The following CCDC178 variants were observed in gnomAD, a reference collection of about 807,000 sequenced individuals.
The protein encoded by CCDC178 is coiled-coil domain-containing protein 178.
In CCDC178, 126 loss-of-function variants were observed where a neutral mutation model predicts 117.4. The ratio of observed to expected loss-of-function variants is 1.07; its 90% CI spans 0.93 to 1.24. CCDC178 has a LOEUF of 1.24. Ranked by LOEUF, CCDC178 falls within the 50% of genes most tolerant of loss-of-function variation. The pLI is 0.00. For missense variants in CCDC178, 1,030 were observed against 986.9 expected (o/e 1.04, Z -0.59); for synonymous variants, 283 against 313.4 (o/e 0.90, Z 1.02).
At chr18:33,351,182 G>A (rs1157127967) in intron 7 of CCDC178, among the ~76,000 whole-genome samples, 1 of 150,736 alleles carries the variant, frequency 6.6e-6, no homozygotes, top group African/African-American at 2.4e-5. Context: ...GTGTGTGTGT[G>A]TATAGTTTTT....
At chr18:33,172,604 G>T (rs1013850731) in intron 20 of CCDC178, among the ~76,000 whole-genome samples, 5 of 152,004 alleles carry the variant, frequency 3.3e-5, no homozygotes, top group African/African-American at 9.7e-5. Flanking sequence ...AAATCTCATG[G>T]CCTTACCACT....
At chr18:33,307,285 A>C (rs913895529) in intron 11 of CCDC178, among the ~76,000 whole-genome samples, 3 of 152,188 alleles carry the variant, frequency 2.0e-5, no homozygotes, top group African/African-American at 7.2e-5. Context: ...GCTGATAGTG[A>C]TATGGACAAT....
At chr18:32,980,608 A>G (rs914012679) in intron 21 of CCDC178, among the ~76,000 whole-genome samples, 1 of 150,886 alleles carries the variant, frequency 6.6e-6, no homozygotes. Context: ...CTATAAGTCA[A>G]TAATAAAAAT....
rs144680735 is a variant in CCDC178, at chr18:32,986,886, T to C, written c.2389-12205A>G. 3.7e-3 allele frequency among the ~76,000 whole-genome samples: 563 copies of C among 152,140 alleles called. 12 individuals are homozygous for C. The highest frequency in any genetic ancestry group is 0.03 in the Admixed American group (458 of 15,278). On this transcript the variant is annotated intron_variant, in intron 21 of 22. Coordinates refer to ENST00000383096, the MANE Select transcript of CCDC178 (RefSeq NM_001105528.4). The stretch of plus-strand genomic sequence containing the variant: ...TCTAACTCAGTATATTGCATGATAG[T>C]TAAAATATGTGCTGTAATAAATAAA...
chr18:32,955,611 A>G (rs2054577284), intron 22 of CCDC178, among the ~76,000 whole-genome samples: 1 of 152,124 alleles, frequency 6.6e-6, no homozygotes, highest in Non-Finnish European at 1.5e-5. Context: ...AAATTAATGA[A>G]AAGTTTCTAT....
intron 3 of CCDC178, among the ~76,000 whole-genome samples, chr18:33,407,354 C>T (rs1423850046): frequency 3.3e-5 from 5 of 152,080 alleles, no homozygotes; most frequent in Admixed American, 1.3e-4. Context: ...TGAAAATTAG[C>T]GATCTAAGCA....
chr18:33,152,486 C>A lies in CCDC178; in HGVS notation c.2238+59410G>T, dbSNP rs185097363. ...GTGCACTGGGGCTTGACCTCTTGTG[C>A]CACTGGAAACCCAGAGCTCGCCAGG... On this transcript the variant is annotated intron_variant, in intron 20 of 22. Coordinates refer to ENST00000383096, the MANE Select transcript of CCDC178 (RefSeq NM_001105528.4). 4.0e-5 allele frequency among the ~76,000 whole-genome samples: 6 copies of A among 151,882 alleles called. No individual in the cohort carries two copies. The East Asian group carries it at 1.2e-3, about 30-fold the overall frequency.
At chr18:33,313,160 C>T (rs2062365644) in intron 11 of CCDC178, among the ~76,000 whole-genome samples, 1 of 152,180 alleles carries the variant, frequency 6.6e-6, no homozygotes, top group African/African-American at 2.4e-5. Context: ...GTTCCAGGTA[C>T]ACCTATTCCA....
In CCDC178 at chr18:33,348,915, T is replaced by C; in HGVS notation, c.432A>G (p.Lys144=). Residue 144 remains lysine (K), a synonymous_variant, in exon 8 of 23, where the codon AAA becomes AAG. Coordinates refer to ENST00000383096, the MANE Select transcript of CCDC178 (RefSeq NM_001105528.4). Reference sequence around the variant, plus strand: ...CTCTCTTTTCTCCTGGTTTGACCTCTTTCACTGGTGTAGTTACACTCCAAT... The same window carrying C: ...CTCTCTTTTCTCCTGGTTTGACCTCCTTCACTGGTGTAGTTACACTCCAAT... ...KEDWSVTTPV[K]EVKPGEKRDE... is the part of the protein sequence containing the mutation. 1 of 1,610,586 alleles carries C rather than the reference T, an allele frequency of 6.2e-7. No individual in the cohort carries two copies. Among genetic ancestry groups the C allele is most frequent in the South Asian group, 1.1e-5 (1 of 90,850 alleles).
intron 21 of CCDC178, among the ~76,000 whole-genome samples, chr18:33,022,242 C>T (rs1412478366): frequency 6.6e-6 from 1 of 152,074 alleles, no homozygotes; most frequent in African/African-American, 2.4e-5. Flanking sequence ...CTGCAAGCCA[C>T]ATTAACCAGG....
At chr18:33,253,662 A>AT (rs997102026) in intron 14 of CCDC178, among the ~76,000 whole-genome samples, 12 of 151,758 alleles carry the variant, frequency 7.9e-5, no homozygotes, top group African/African-American at 2.2e-4. Context: ...TAAGCTTTTG[A>AT]TTTTTTTTGA....
chr18:33,113,770 T>C (rs2057815175), intron 20 of CCDC178, among the ~76,000 whole-genome samples: 1 of 152,074 alleles, frequency 6.6e-6, no homozygotes, highest in African/African-American at 2.4e-5. Context: ...TTGGACTGCA[T>C]GCAAGGGACA....
chr18:33,299,473 G>A (rs1200735558), intron 11 of CCDC178, among the ~76,000 whole-genome samples: 1 of 147,898 alleles, frequency 6.8e-6, no homozygotes, highest in Admixed American at 6.9e-5. Flanking sequence ...AGACCTAAAT[G>A]TAAGAACCAA....
At chr18:32,954,795 T>C (rs2054559419) in intron 22 of CCDC178, 1 of 152,110 alleles carries the variant, frequency 6.6e-6, no homozygotes, top group Non-Finnish European at 1.5e-5. Context: ...ACAATTTTTG[T>C]TTAATAAAAA....
At chr18:33,288,211 C>T (rs2060122748) in intron 12 of CCDC178, among the ~76,000 whole-genome samples, 1 of 150,120 alleles carries the variant, frequency 6.7e-6, no homozygotes, top group South Asian at 2.1e-4. Context: ...TTCCCTACCT[C>T]CCTCCTCCTC....
At chr18:33,274,373 C>G (rs2059922847) in intron 12 of CCDC178, among the ~76,000 whole-genome samples, 1 of 151,798 alleles carries the variant, frequency 6.6e-6, no homozygotes, top group African/African-American at 2.4e-5. Flanking sequence ...AAACATAGAA[C>G]TATCACATGA....
intron 20 of CCDC178, among the ~76,000 whole-genome samples, chr18:33,158,306 C>A (rs942434130): frequency 1.3e-5 from 2 of 152,068 alleles, no homozygotes; most frequent in African/African-American, 2.4e-5. Context: ...TATGAAAATA[C>A]TTGTAGCCCC....
intron 20 of CCDC178, among the ~76,000 whole-genome samples, chr18:33,135,074 T>C (rs2058109564): frequency 6.6e-6 from 1 of 152,124 alleles, no homozygotes; most frequent in African/African-American, 2.4e-5. Context: ...ATAAGATTTA[T>C]CAGTTGCCCT....
intron 3 of CCDC178, among the ~76,000 whole-genome samples, chr18:33,402,640 T>C (rs2063724199): frequency 1.3e-5 from 2 of 152,234 alleles, no homozygotes; most frequent in Admixed American, 1.3e-4. Context: ...TCTAGAGATA[T>C]CTTACATTTC....
Sources: allele counts gnomAD v4.1 joint callset (sites outside exome capture counted in the v4.1 genomes callset), GRCh38; gene constraint gnomAD v4.1.1; transcripts MANE v1.5; gene names NCBI Gene and HGNC (gene_info 2026-07-23, HGNC 2026-07-21).